The following NUDCD1 variants were observed in gnomAD, a reference collection of about 807,000 sequenced individuals.
The protein encoded by NUDCD1 is nudC domain-containing protein 1.
NUDCD1 carries 60 observed loss-of-function variants against 67.8 expected under a neutral mutation model. That is an observed-to-expected ratio of 0.88 (90% CI 0.72 to 1.10). The LOEUF (loss-of-function observed/expected upper bound fraction) is 1.10. NUDCD1 is among the 50% of genes least tolerant of loss of function. The probability of loss-of-function intolerance (pLI) is 0.00; values close to 1 mark genes in which losing one functional copy is unlikely to be tolerated. For synonymous variants in NUDCD1, 244 were observed against 230.8 expected, an observed-to-expected ratio of 1.06 and a Z score of -0.52; for missense variants, 643 against 695.0, an observed-to-expected ratio of 0.93 and a Z score of 0.84.
chr8:109,313,883 G>A, intron 2 of NUDCD1: 2 of 868,734 alleles, frequency 2.3e-6, no homozygotes, highest in Non-Finnish European at 3.3e-6. Context: ...TAAGATACTT[G>A]AGTATCTAAA....
chr8:109,287,897 C>G (rs1196205393), intron 5 of NUDCD1, among the ~76,000 whole-genome samples: 1 of 152,136 alleles, frequency 6.6e-6, no homozygotes, highest in African/African-American at 2.4e-5. Context: ...TGTATACAAA[C>G]ACCTAAATAA....
At chr8:109,332,505 T>G (rs1212035600) in intron 1 of NUDCD1, among the ~76,000 whole-genome samples, 1 of 152,150 alleles carries the variant, frequency 6.6e-6, no homozygotes, top group African/African-American at 2.4e-5. Context: ...AACAAGCTTA[T>G]AGTCTGAGAC....
rs578165619 is a variant in NUDCD1, at chr8:109,312,591, G to A, written c.273+9718C>T. Among the ~76,000 whole-genome samples the A allele has an allele frequency of 4.0e-5, 6 of 150,906 alleles. No homozygotes were observed. In the South Asian group the frequency reaches 1.1e-3, roughly 27 times the overall value. ...CCTGCATATGTACACGAAGATCCAC[G>A]TAACAAGTATGTTTATTTTAATAAC... is the stretch of plus-strand genomic sequence containing the variant. On this transcript the variant is annotated intron_variant, in intron 2 of 9. Transcript: ENST00000239690.
chr8:109,290,016 T>A, intron 4 of NUDCD1, 83 bp from the exon 5 acceptor site: 1 of 632,674 alleles, frequency 1.6e-6, no homozygotes. Context: ...TTGATTTTAA[T>A]TATAATTAAA....
intron 8 of NUDCD1, among the ~76,000 whole-genome samples, chr8:109,262,138 T>C (rs2129918328): frequency 6.6e-6 from 1 of 152,342 alleles, no homozygotes; most frequent in South Asian, 2.1e-4. Context: ...CTTGTATATG[T>C]GGTTTTACTT....
intron 2 of NUDCD1, among the ~76,000 whole-genome samples, chr8:109,320,000 G>C (rs1815495138): frequency 6.6e-6 from 1 of 152,178 alleles, no homozygotes; most frequent in South Asian, 2.1e-4. Flanking sequence ...CAAAAGGGGA[G>C]GGAGTGTGCG....
intron 1 of NUDCD1, among the ~76,000 whole-genome samples, chr8:109,329,080 T>C (rs753200224): frequency 4.0e-5 from 6 of 151,694 alleles, no homozygotes; most frequent in Admixed American, 2.0e-4. Flanking sequence ...AATATTACAA[T>C]GTCCAAGATG....
At chr8:109,249,522 A>G (rs1813575125) in intron 8 of NUDCD1, among the ~76,000 whole-genome samples, 1 of 152,214 alleles carries the variant, frequency 6.6e-6, no homozygotes, top group Non-Finnish European at 1.5e-5. Flanking sequence ...AAAATGAGAA[A>G]TACAGAATTC....
At chr8:109,315,570 C>G (rs1196238639) in intron 2 of NUDCD1, 2 of 151,996 alleles carry the variant, frequency 1.3e-5, no homozygotes, top group African/African-American at 4.8e-5. Context: ...TTCATTTCCC[C>G]CTAAAGATCA....
intron 8 of NUDCD1, among the ~76,000 whole-genome samples, chr8:109,246,900 C>T (rs1201986530): frequency 6.6e-6 from 1 of 152,124 alleles, no homozygotes; most frequent in East Asian, 1.9e-4. Context: ...AGCAAGGGGA[C>T]CTATTATTGG....
Position 109,289,793 on chromosome 8 carries a change from G to C in NUDCD1, c.781C>G (p.Leu261Val), listed in dbSNP as rs777263576. Reference sequence around the variant, plus strand: ...ATGTCTTCATCCATATTTTCTTCAAGATCTTGACCAGCCTGAACAAATGTT... The same window carrying C: ...ATGTCTTCATCCATATTTTCTTCAACATCTTGACCAGCCTGAACAAATGTT... ...SLTFVQAGQDLEENMDEDISE... is the reference protein window; with the variant it reads ...SLTFVQAGQDVEENMDEDISE... The change falls in exon 5 of 10, where the codon CTT becomes GTT. Residue 261 changes from leucine to valine, a missense_variant. By Grantham distance (32) the Leu-to-Val change is conservative (BLOSUM62 1). Transcript: ENST00000239690. 6.4e-7 allele frequency: 1 copy of C among 1,559,174 alleles called. No homozygotes were observed. Among genetic ancestry groups the C allele is most frequent in the East Asian group, 2.3e-5 (1 of 42,998 alleles).
intron 1 of NUDCD1, among the ~76,000 whole-genome samples, chr8:109,323,407 T>A (rs1815587882): frequency 6.6e-6 from 1 of 152,128 alleles, no homozygotes; most frequent in Non-Finnish European, 1.5e-5. Flanking sequence ...TAGGCATCGA[T>A]GACACAGTGA....
chr8:109,264,803 A>G (rs1034314421), intron 8 of NUDCD1, among the ~76,000 whole-genome samples: 1 of 151,990 alleles, frequency 6.6e-6, no homozygotes, highest in Non-Finnish European at 1.5e-5. Context: ...ATATTAATGC[A>G]GACATTAGAG....
At chr8:109,307,591 T>C (rs1005867977) in intron 2 of NUDCD1, among the ~76,000 whole-genome samples, 3 of 152,134 alleles carry the variant, frequency 2.0e-5, no homozygotes, top group East Asian at 1.9e-4. Context: ...AAAAAACATA[T>C]ATACGGGCAA....
At chr8:109,285,218 A>G (rs189130879) in intron 5 of NUDCD1, among the ~76,000 whole-genome samples, 1 of 152,232 alleles carries the variant, frequency 6.6e-6, no homozygotes, top group Admixed American at 6.5e-5. Context: ...ATTCACATCC[A>G]AACTCTACTA....
chr8:109,244,969 C>T (rs1348322560), intron 9 of NUDCD1, among the ~76,000 whole-genome samples: 1 of 152,148 alleles, frequency 6.6e-6, no homozygotes, highest in Non-Finnish European at 1.5e-5. Flanking sequence ...TCTGAAGAAA[C>T]TTGAACACCA....
chr8:109,314,943 T>A (rs1815355296), intron 2 of NUDCD1, among the ~76,000 whole-genome samples: 1 of 152,078 alleles, frequency 6.6e-6, no homozygotes, highest in Non-Finnish European at 1.5e-5. Flanking sequence ...TACTCAAGTT[T>A]AAAAAAATAA....
intron 1 of NUDCD1, 49 bp downstream of exon 1, chr8:109,333,844 A>G (rs1815879037): frequency 6.2e-7 from 1 of 1,603,614 alleles, no homozygotes; most frequent in Non-Finnish European, 8.5e-7. Flanking sequence ...GGCCGGAGGC[A>G]GCCGAAAGGG....
At chr8:109,270,201 A>C (rs1814116969) in intron 8 of NUDCD1, among the ~76,000 whole-genome samples, 1 of 151,998 alleles carries the variant, frequency 6.6e-6, no homozygotes, top group Non-Finnish European at 1.5e-5. Flanking sequence ...AAAAAGAAGA[A>C]AAAAATTAAC....
Sources: allele counts gnomAD v4.1 joint callset (sites outside exome capture counted in the v4.1 genomes callset), GRCh38; gene constraint gnomAD v4.1.1; transcripts MANE v1.5; gene names NCBI Gene and HGNC (gene_info 2026-07-23, HGNC 2026-07-21).